Variants in PTPRE observed in about 807,000 individuals in gnomAD.
PTPRE encodes protein tyrosine phosphatase receptor type E, also known as receptor-type tyrosine-protein phosphatase epsilon.
PTPRE carries 51 observed loss-of-function variants against 102.0 expected under a neutral mutation model. The observed-to-expected ratio is 0.50, with a 90% CI of 0.40 to 0.63. The LOEUF (loss-of-function observed/expected upper bound fraction) is 0.63, where lower values mean the gene tolerates loss of function less well. Among genes scored for constraint, PTPRE ranks in the 30% least tolerant of loss-of-function variants. The pLI is 0.00. For synonymous variants in PTPRE, 345 were observed against 348.2 expected, an observed-to-expected ratio of 0.99 and a Z score of 0.10; for missense variants, 752 against 915.1, an observed-to-expected ratio of 0.82 and a Z score of 2.30.
chr10:128,047,849 G>T lies in PTPRE; in HGVS notation c.283+12G>T, dbSNP rs1443447179. On this transcript the variant is annotated intron_variant, in intron 5 of 20. Coordinates refer to ENST00000254667, the MANE Select transcript of PTPRE (RefSeq NM_006504.6). ...CTTGGAGGAGCAAGGTACAGAAGCT[G>T]CTCTCTGGCTGGGGCTTGGGGGAAA... 1 of 1,571,838 alleles carries T rather than the reference G, an allele frequency of 6.4e-7. No individual in the cohort carries two copies. Among genetic ancestry groups the T allele is most frequent in the Admixed American group, 1.8e-5 (1 of 55,262 alleles).
rs538076511 is a variant in PTPRE, at chr10:128,069,884, T to G, written c.1143+57T>G. The G allele has an allele frequency of 1.7e-5, 28 of 1,612,776 alleles. No homozygotes were observed. In the South Asian group the frequency reaches 2.9e-4, roughly 16 times the overall value. On this transcript the variant is annotated intron_variant, in intron 13 of 20. Transcript: ENST00000254667. The stretch of plus-strand genomic sequence containing the variant: ...GCTTCCCAAAGCAAACCCGATGCCT[T>G]CGCCACACAGGTGTGCAGGGCCCTG...
At chr10:128,080,620 C>G (rs1397804344) in intron 20 of PTPRE, among the ~76,000 whole-genome samples, 2 of 152,206 alleles carry the variant, frequency 1.3e-5, no homozygotes, top group Non-Finnish European at 2.9e-5. Flanking sequence ...ATTCTATCTT[C>G]GAGAGCATCT....
In PTPRE at chr10:127,907,299, GC is replaced by G. The variant is rs903328320; in HGVS notation, c.-34del. On this transcript the variant is annotated 5_prime_UTR_variant, in exon 1 of 21. An upstream open reading frame in the 5' UTR loses its in-frame stop. Coordinates refer to ENST00000254667, the MANE Select transcript of PTPRE (RefSeq NM_006504.6). This position sits in a 1 kb window ranked among gnomAD's most constrained non-coding sequence, Gnocchi z 4.8. ...CAGCGCGATCTGCGCGACCAGACCG[GC>G]CCCCCCGAGGTGAGCGCGCGTGCGG... 37 of 984,576 alleles carry G rather than the reference GC, an allele frequency of 3.8e-5. No homozygotes were observed. Among genetic ancestry groups the G allele is most frequent in the Non-Finnish European group, 4.5e-5 (37 of 829,636 alleles). The allele number at this position is 984,576 out of a possible 1,614,324, so 61.0% of individuals were successfully genotyped here.
At chr10:128,048,801 G>T (rs1031336929) in intron 5 of PTPRE, among the ~76,000 whole-genome samples, 12 of 152,298 alleles carry the variant, frequency 7.9e-5, no homozygotes, top group Middle Eastern at 6.8e-3. Context: ...GAAGTTTTTG[G>T]CTGGGCTTCA....
At chr10:127,923,981 G>A (rs1846818279) in intron 1 of PTPRE, among the ~76,000 whole-genome samples, 1 of 152,104 alleles carries the variant, frequency 6.6e-6, no homozygotes, top group Non-Finnish European at 1.5e-5. Flanking sequence ...TATCCATGAT[G>A]AGTCCAGGGT....
chr10:127,914,699 C>T (rs1736711953), intron 1 of PTPRE, among the ~76,000 whole-genome samples: 2 of 152,192 alleles, frequency 1.3e-5, no homozygotes, highest in South Asian at 2.1e-4. Context: ...CAAATCCTTC[C>T]TCTCTTCAGG....
chr10:128,059,346 G>A (rs937971362), intron 7 of PTPRE, among the ~76,000 whole-genome samples: 2 of 152,148 alleles, frequency 1.3e-5, no homozygotes, highest in Non-Finnish European at 1.5e-5. Context: ...AGCTATACCC[G>A]CCCTTTCTCT....
chr10:127,967,827 A>T (rs1002092421), intron 1 of PTPRE, among the ~76,000 whole-genome samples: 3 of 152,012 alleles, frequency 2.0e-5, no homozygotes, highest in Non-Finnish European at 4.4e-5. Context: ...AGGGGTAACC[A>T]TTGTCCCCAC....
chr10:128,070,571 G>A lies in PTPRE; in HGVS notation c.1293+121G>A. On this transcript the variant is annotated intron_variant, in intron 14 of 20. Coordinates refer to ENST00000254667, the MANE Select transcript of PTPRE (RefSeq NM_006504.6). The surrounding 1 kb of genome is among the most constrained non-coding windows in gnomAD (Gnocchi z 4.8). Reference sequence around the variant, plus strand: ...TGCCCCTTAACTGACCTCAGAAAAAGCAGGGGCAATACCTGAGCCATGATT... The same window carrying A: ...TGCCCCTTAACTGACCTCAGAAAAAACAGGGGCAATACCTGAGCCATGATT... 3 of 1,352,376 alleles carry A rather than the reference G, an allele frequency of 2.2e-6. No homozygotes were observed. Among genetic ancestry groups the A allele is most frequent in the Non-Finnish European group, 3.0e-6 (3 of 1,007,082 alleles). 83.8% of individuals were successfully genotyped at this position (1,352,376 alleles called of 1,614,324 possible).
At chr10:128,062,229 A>G (rs145705336) in intron 9 of PTPRE, among the ~76,000 whole-genome samples, 219 of 152,348 alleles carry the variant, frequency 1.4e-3, no homozygotes, top group African/African-American at 5.0e-3. Flanking sequence ...AGCTGAAACC[A>G]GATTCCTCAG....
At chr10:128,032,056 C>T (rs958746312) in intron 2 of PTPRE, among the ~76,000 whole-genome samples, 1 of 152,166 alleles carries the variant, frequency 6.6e-6, no homozygotes, top group Non-Finnish European at 1.5e-5. Flanking sequence ...CTTTCCATCA[C>T]CCAGGCTGGA....
chr10:127,941,143 G>A (rs575243437), intron 1 of PTPRE, among the ~76,000 whole-genome samples: 2 of 152,196 alleles, frequency 1.3e-5, no homozygotes, highest in Non-Finnish European at 2.9e-5. Flanking sequence ...TCCCTGCCTG[G>A]TGGGAGGTGG....
At chr10:128,000,545 G>A (rs1340560907) in intron 2 of PTPRE, among the ~76,000 whole-genome samples, 1 of 152,176 alleles carries the variant, frequency 6.6e-6, no homozygotes. Flanking sequence ...CAAGTTCTCA[G>A]AGACTGTATA....
intron 13 of PTPRE, 68 bp downstream of exon 13, chr10:128,069,895 G>A (rs1224572949): frequency 2.3e-5 from 37 of 1,610,044 alleles, no homozygotes; most frequent in Non-Finnish European, 2.9e-5. Context: ...CGCCACACAG[G>A]TGTGCAGGGC....
chr10:127,999,660 T>TCTGCTG, intron 2 of PTPRE: 1 of 983,402 alleles, frequency 1.0e-6, no homozygotes, highest in Non-Finnish European at 1.2e-6. Flanking sequence ...ACAAATTCAC[T>TCTGCTG]CTGCTGCTGT....
At chr10:127,990,699 G>A (rs113812185) in intron 2 of PTPRE, among the ~76,000 whole-genome samples, 131 of 152,248 alleles carry the variant, frequency 8.6e-4, no homozygotes, top group African/African-American at 2.5e-3. Context: ...GCATGTTTTG[G>A]GGTGAATGTT....
intron 6 of PTPRE, among the ~76,000 whole-genome samples, chr10:128,050,777 T>A (rs1422445104): frequency 6.6e-6 from 1 of 152,132 alleles, no homozygotes; most frequent in Non-Finnish European, 1.5e-5. Flanking sequence ...TACCTTGAAG[T>A]TGGAATGGGA....
chr10:127,967,871 G>A lies in PTPRE; in HGVS notation c.-30-14403G>A, dbSNP rs116376080. 3.8e-3 allele frequency among the ~76,000 whole-genome samples: 576 copies of A among 152,224 alleles called. 2 individuals carry two copies. Among genetic ancestry groups the A allele is most frequent in the African/African-American group, 0.013 (553 of 41,526 alleles). ...CCATAGATTAGTTTCGCCTGCTTTC[G>A]AACTTTCTATAAGCTGGATCATAGA... On this transcript the variant is annotated intron_variant, in intron 1 of 20. Coordinates refer to ENST00000254667, the MANE Select transcript of PTPRE (RefSeq NM_006504.6).
intron 6 of PTPRE, among the ~76,000 whole-genome samples, chr10:128,051,663 A>G (rs1295477832): frequency 2.6e-5 from 4 of 152,246 alleles, no homozygotes; most frequent in African/African-American, 9.6e-5. Flanking sequence ...GGGGCACCCC[A>G]TTAAATTTTG....
Sources: gnomAD v4.1 joint callset for allele counts (sites outside exome capture counted in the v4.1 genomes callset) on GRCh38, gnomAD v4.1.1 for gene constraint, Gnocchi (gnomAD v3.1) non-coding constraint, MANE v1.5 for transcripts, NCBI Gene and HGNC (gene_info 2026-07-23, HGNC 2026-07-21) for gene names.